Variants in PDE3B observed in about 807,000 individuals in gnomAD.
PDE3B encodes the protein phosphodiesterase 3B, also known as cGMP-inhibited 3',5'-cyclic phosphodiesterase 3B.
Under a neutral mutation model 116.8 loss-of-function variants are expected in PDE3B, and 66 were observed. The observed-to-expected ratio is 0.56, with a 90% CI of 0.46 to 0.69. PDE3B has a LOEUF of 0.69. Among genes scored for constraint, PDE3B ranks in the 30% least tolerant of loss-of-function variants. The probability of loss-of-function intolerance (pLI) is 0.00; values close to 1 mark genes in which losing one functional copy is unlikely to be tolerated. For missense variants in PDE3B, 1,384 were observed against 1,368.1 expected, an observed-to-expected ratio of 1.01 and a Z score of -0.18; for synonymous variants, 595 against 533.6, an observed-to-expected ratio of 1.12 and a Z score of -1.59.
intron 5 of PDE3B, among the ~76,000 whole-genome samples, chr11:14,807,251 TATA>T (rs1192477516): frequency 6.6e-6 from 1 of 152,080 alleles, no homozygotes; most frequent in African/African-American, 2.4e-5. Context: ...GAACTTAAAG[TATA>T]ATAATAATAA....
chr11:14,767,823 A>G lies in PDE3B; in HGVS notation c.979-4114A>G, dbSNP rs1458842533. On this transcript the variant is annotated intron_variant, in intron 1 of 15. Coordinates refer to ENST00000282096, the MANE Select transcript of PDE3B (RefSeq NM_000922.4). ...AGGAACAACTAGTGATTGACAGATC[A>G]TAATTTGATAAATAATGGCTAATAT... Among the ~76,000 whole-genome samples, 4 of 151,640 alleles carry G rather than the reference A, an allele frequency of 2.6e-5. No individual in the cohort carries two copies. In the East Asian group the frequency reaches 7.7e-4, roughly 29 times the overall value.
intron 1 of PDE3B, among the ~76,000 whole-genome samples, chr11:14,689,785 A>G (rs990927629): frequency 3.3e-5 from 5 of 152,190 alleles, no homozygotes; most frequent in Admixed American, 2.6e-4. Context: ...TTTGTCACTT[A>G]CATAAAATCC....
chr11:14,864,210 G>A (rs1287928623), intron 14 of PDE3B, among the ~76,000 whole-genome samples: 1 of 151,974 alleles, frequency 6.6e-6, no homozygotes, highest in Admixed American at 6.6e-5. Context: ...GACCAAGAAG[G>A]GCATTAAATA....
chr11:14,721,249 G>A (rs1227979217), intron 1 of PDE3B, among the ~76,000 whole-genome samples: 1 of 152,136 alleles, frequency 6.6e-6, no homozygotes, highest in South Asian at 2.1e-4. Context: ...AGTTAGAATG[G>A]CAATCATTAA....
At chr11:14,882,797 C>T in the PDE3B span, among the ~76,000 whole-genome samples, 1 of 152,134 alleles carries the variant, frequency 6.6e-6, no homozygotes, top group Non-Finnish European at 1.5e-5. Context: ...CTGTCTCAGC[C>T]CAAAATCTCC....
intron 11 of PDE3B, among the ~76,000 whole-genome samples, chr11:14,835,403 C>A (rs1052524334): frequency 6.6e-6 from 1 of 151,922 alleles, no homozygotes; most frequent in Non-Finnish European, 1.5e-5. Flanking sequence ...TAGCCACTAT[C>A]CCGAATATTA....
At chr11:14,774,756 C>T (rs1189469595) in intron 2 of PDE3B, 1 of 152,174 alleles carries the variant, frequency 6.6e-6, no homozygotes, top group African/African-American at 2.4e-5. Context: ...TATCATGTCA[C>T]TCTCTTGCTC....
Position 14,832,837 on chromosome 11 carries a change from A to C in PDE3B, c.2206+4A>C. ...AATGGCTATCGAGACATTCCTTGTAAGTATTAACATATTTTATTATTTAAG... is the reference window on the plus strand; with the variant it reads ...AATGGCTATCGAGACATTCCTTGTACGTATTAACATATTTTATTATTTAAG... On this transcript the variant is annotated splice_donor_region_variant and intron_variant, in intron 10 of 15. Transcript: ENST00000282096. The C allele has an allele frequency of 4.2e-6, 5 of 1,199,844 alleles. No homozygotes were observed. The highest frequency in any genetic ancestry group is 6.1e-6 in the Non-Finnish European group (5 of 819,994). 74.3% of individuals were successfully genotyped at this position (1,199,844 alleles called of 1,614,324 possible). A position where few individuals can be genotyped will look rare whatever the true frequency, so the allele number is the denominator to read the frequency against.
At chr11:14,703,428 T>C (rs1253876288) in intron 1 of PDE3B, among the ~76,000 whole-genome samples, 7 of 151,592 alleles carry the variant, frequency 4.6e-5, no homozygotes, top group Non-Finnish European at 1.0e-4. Context: ...TTTTTTTTTT[T>C]AATACCAGGA....
chr11:14,662,105 C>A (rs1295365262), intron 1 of PDE3B, among the ~76,000 whole-genome samples: 1 of 152,128 alleles, frequency 6.6e-6, no homozygotes, highest in Admixed American at 6.5e-5. Context: ...TCCTCTGAGA[C>A]AAAACTTCCA....
rs143580437 is a variant in PDE3B, at chr11:14,768,532, G to T, written c.979-3405G>T. ...ATGTTTCTGAGATCCATCCATATACGATGTAGCTGTATGTACTTCATTCAT... is the reference window on the plus strand; with the variant it reads ...ATGTTTCTGAGATCCATCCATATACTATGTAGCTGTATGTACTTCATTCAT... On this transcript the variant is annotated intron_variant, in intron 1 of 15. Coordinates refer to ENST00000282096, the MANE Select transcript of PDE3B (RefSeq NM_000922.4). 4.5e-3 allele frequency among the ~76,000 whole-genome samples: 685 copies of T among 151,522 alleles called. 3 individuals are homozygous for T. The highest frequency in any genetic ancestry group is 0.015 in the African/African-American group (611 of 41,460).
chr11:14,653,737 GCTTGTAATCTCAGCA>G (rs1450438347), intron 1 of PDE3B, among the ~76,000 whole-genome samples: 1 of 152,150 alleles, frequency 6.6e-6, no homozygotes, highest in African/African-American at 2.4e-5. Context: ...GGTGGTTCAT[GCTTGTAATCTCAGCA>G]CTTTGGGAGG....
intron 1 of PDE3B, among the ~76,000 whole-genome samples, chr11:14,711,778 G>A (rs1356619160): frequency 6.6e-6 from 1 of 152,194 alleles, no homozygotes; most frequent in African/African-American, 2.4e-5. Flanking sequence ...CAATGGATCA[G>A]TGTCAGCATT....
chr11:14,891,590 C>T, the PDE3B span: 13 of 1,049,054 alleles, frequency 1.2e-5, no homozygotes, highest in Non-Finnish European at 1.5e-5. Context: ...CGTGCAGCTT[C>T]CACAGAGCTG....
the PDE3B span, among the ~76,000 whole-genome samples, chr11:14,894,963 C>T: frequency 1.3e-5 from 2 of 152,182 alleles, no homozygotes; most frequent in Non-Finnish European, 2.9e-5. Context: ...GGTGAACACA[C>T]TGTATAGGGC....
Position 14,644,232 on chromosome 11 carries a change from C to G in PDE3B, c.157C>G (p.Arg53Gly), listed in dbSNP as rs555533276. 2.6e-5 allele frequency: 41 copies of G among 1,587,138 alleles called. No homozygotes were observed. In the East Asian group the frequency reaches 8.3e-4, roughly 32 times the overall value. ...PPRGFFFHLC[R>G]FCNVELRPPP... ...GCGCGGCTTCTTCTTCCACCTCTGC[C>G]GCTTCTGCAACGTGGAGCTGCGGCC... is the stretch of plus-strand genomic sequence containing the variant. Residue 53 changes from arginine (R) to glycine (G), a missense_variant, in exon 1 of 16, where the codon CGC (arginine) becomes GGC (glycine). Coordinates refer to ENST00000282096, the MANE Select transcript of PDE3B (RefSeq NM_000922.4).
chr11:14,732,808 T>TA (rs376265412), intron 1 of PDE3B, among the ~76,000 whole-genome samples: 7 of 152,320 alleles, frequency 4.6e-5, no homozygotes, highest in African/African-American at 1.7e-4. Context: ...AAAAGCCATG[T>TA]ATATAAGTGG....
At chr11:14,649,697 TAC>T (rs1185590788) in intron 1 of PDE3B, among the ~76,000 whole-genome samples, 1 of 152,212 alleles carries the variant, frequency 6.6e-6, no homozygotes, top group East Asian at 1.9e-4. Context: ...AAACTTCTGA[TAC>T]AGTTATTTCA....
intron 1 of PDE3B, among the ~76,000 whole-genome samples, chr11:14,703,731 TA>T (rs1208781504): frequency 6.6e-6 from 1 of 151,704 alleles, no homozygotes; most frequent in Non-Finnish European, 1.5e-5. Flanking sequence ...AGTTGTTCCT[TA>T]AATGCTTGGT....
Sources: gnomAD v4.1 joint callset for allele counts (sites outside exome capture counted in the v4.1 genomes callset) on GRCh38, gnomAD v4.1.1 for gene constraint, MANE v1.5 for transcripts, NCBI Gene and HGNC (gene_info 2026-07-23, HGNC 2026-07-21) for gene names.